The following MCC variants were observed in gnomAD, a reference collection of about 807,000 sequenced individuals.
MCC encodes the protein MCC regulator of Wnt signaling pathway.
A neutral mutation model predicts 116.2 loss-of-function variants in MCC; 90 were observed. The ratio of observed to expected loss-of-function variants is 0.77; its 90% CI spans 0.65 to 0.92. The LOEUF (loss-of-function observed/expected upper bound fraction) is 0.92. MCC is among the 40% of genes least tolerant of loss of function. The pLI, the probability that MCC is intolerant of heterozygous loss-of-function variation, is 0.00. For synonymous variants in MCC, 578 were observed against 510.5 expected, an observed-to-expected ratio of 1.13 and a Z score of -1.78; for missense variants, 1,516 against 1,312.2, an observed-to-expected ratio of 1.16 and a Z score of -2.40.
chr5:113,349,168 G>A (rs1215069404), intron 2 of MCC, among the ~76,000 whole-genome samples: 1 of 151,964 alleles, frequency 6.6e-6, no homozygotes, highest in African/African-American at 2.4e-5. Context: ...CAAAAAAATA[G>A]AGGAGGATAG....
chr5:113,065,835 T>G (rs564611721), intron 13 of MCC, among the ~76,000 whole-genome samples: 21 of 152,324 alleles, frequency 1.4e-4, no homozygotes, highest in Admixed American at 2.6e-4. Flanking sequence ...GCCACTCCTG[T>G]CAGCGGAATG....
At chr5:113,478,969 T>G (rs1284204586) in intron 1 of MCC, among the ~76,000 whole-genome samples, 1 of 152,228 alleles carries the variant, frequency 6.6e-6, no homozygotes, top group Non-Finnish European at 1.5e-5. Flanking sequence ...TAGCTGTATC[T>G]TATCTGAAAC....
intron 14 of MCC, among the ~76,000 whole-genome samples, chr5:113,061,067 G>C (rs747181967): frequency 1.3e-5 from 2 of 152,206 alleles, no homozygotes; most frequent in African/African-American, 2.4e-5. Context: ...ATCCAGACTA[G>C]TTCAAAGAGT....
At chr5:113,376,087 T>TA (rs762064604) in intron 2 of MCC, among the ~76,000 whole-genome samples, 6 of 152,126 alleles carry the variant, frequency 3.9e-5, no homozygotes, top group South Asian at 2.1e-4. Flanking sequence ...AGATTTAAAA[T>TA]AAAAAAATTA....
intron 1 of MCC, among the ~76,000 whole-genome samples, chr5:113,460,315 G>A (rs148798556): frequency 8.4e-4 from 128 of 152,248 alleles, no homozygotes; most frequent in African/African-American, 2.8e-3. Flanking sequence ...GCACCTTTTC[G>A]GTGGGGATTT....
At chr5:113,121,944 C>A (rs987701725) in intron 6 of MCC, among the ~76,000 whole-genome samples, 1 of 152,198 alleles carries the variant, frequency 6.6e-6, no homozygotes, top group African/African-American at 2.4e-5. Context: ...GTAGGCAAGA[C>A]CAGTAGTTTT....
chr5:113,165,656 G>T (rs546445057), intron 3 of MCC, among the ~76,000 whole-genome samples: 2 of 152,134 alleles, frequency 1.3e-5, no homozygotes, highest in Non-Finnish European at 2.9e-5. Context: ...GCTGATAAAA[G>T]AAACGTTTCC....
At chr5:113,487,803 TCTC>T (rs1472697269) in intron 1 of MCC, among the ~76,000 whole-genome samples, 1 of 152,194 alleles carries the variant, frequency 6.6e-6, no homozygotes, top group Non-Finnish European at 1.5e-5. Context: ...GCTTAGCTCA[TCTC>T]CTCCCGGTGC....
rs557449453 is a variant in MCC, at chr5:113,060,281, A to T, written c.2213+3703T>A. Among the ~76,000 whole-genome samples the T allele has an allele frequency of 3.3e-5, 5 of 152,212 alleles. No homozygotes were observed. In the East Asian group the frequency reaches 9.7e-4, roughly 29 times the overall value. On this transcript the variant is annotated intron_variant, in intron 14 of 18. Transcript: ENST00000408903. ...GCAATTCTCCTGCCTCAGCCTCCTGAGTAGCTGGGACTACAGGCATGTACC... is the reference window on the plus strand; with the variant it reads ...GCAATTCTCCTGCCTCAGCCTCCTGTGTAGCTGGGACTACAGGCATGTACC...
intron 3 of MCC, among the ~76,000 whole-genome samples, chr5:113,163,265 C>T (rs1760594228): frequency 6.6e-6 from 1 of 152,134 alleles, no homozygotes; most frequent in Admixed American, 6.5e-5. Flanking sequence ...AGCAAGGACA[C>T]ACACAAAGGT....
intron 2 of MCC, among the ~76,000 whole-genome samples, chr5:113,351,847 A>G (rs1261319451): frequency 1.3e-5 from 2 of 152,140 alleles, no homozygotes; most frequent in Non-Finnish European, 2.9e-5. Context: ...ATATTTTTTA[A>G]AAATACAACT....
chr5:113,468,298 G>A (rs1316534404), intron 1 of MCC, among the ~76,000 whole-genome samples: 3 of 152,118 alleles, frequency 2.0e-5, no homozygotes, highest in Non-Finnish European at 1.5e-5. Context: ...TGCCCATTCA[G>A]TATAATATTG....
intron 3 of MCC, 108 bp from the exon 4 acceptor site, chr5:113,151,530 C>A: frequency 3.1e-6 from 2 of 649,146 alleles, no homozygotes; most frequent in South Asian, 2.0e-5. Context: ...ATCCAAAAAG[C>A]AACACTTTTG....
intron 3 of MCC, among the ~76,000 whole-genome samples, chr5:113,232,947 T>C (rs879159958): frequency 6.6e-6 from 1 of 152,110 alleles, no homozygotes; most frequent in African/African-American, 2.4e-5. Context: ...AGAACCAGGA[T>C]TGGAGAAGTC....
At chr5:113,445,948 C>A (rs66583752) in intron 1 of MCC, among the ~76,000 whole-genome samples, 28,340 of 152,028 alleles carry the variant, frequency 0.19, 3,136 homozygotes, top group Admixed American at 0.31. Context: ...TAAAGCTGCA[C>A]ATCAACAGTC....
At chr5:113,387,295 T>C (rs1769283988) in intron 1 of MCC, among the ~76,000 whole-genome samples, 2 of 152,220 alleles carry the variant, frequency 1.3e-5, no homozygotes, top group South Asian at 4.1e-4. Flanking sequence ...TTGTGATTTT[T>C]CTTCCATCAG....
intron 3 of MCC, among the ~76,000 whole-genome samples, chr5:113,178,821 A>G (rs541653850): frequency 3.3e-5 from 5 of 152,180 alleles, no homozygotes; most frequent in African/African-American, 1.2e-4. Flanking sequence ...CTTCTACCAG[A>G]AGGCAAAGGG....
chr5:113,122,594 A>G, intron 6 of MCC, 90 bp downstream of exon 6: 1 of 1,490,428 alleles, frequency 6.7e-7, no homozygotes, highest in Non-Finnish European at 9.1e-7. Context: ...GAAAAATTAA[A>G]TTTTAATTCA....
At chr5:113,118,000 T>G (rs1455522650) in intron 6 of MCC, among the ~76,000 whole-genome samples, 1 of 152,136 alleles carries the variant, frequency 6.6e-6, no homozygotes, top group Admixed American at 6.6e-5. Flanking sequence ...CCGAGGAGTA[T>G]CAAAGGAAAG....
Sources: gnomAD v4.1 joint callset for allele counts (sites outside exome capture counted in the v4.1 genomes callset) on GRCh38, gnomAD v4.1.1 for gene constraint, MANE v1.5 for transcripts, NCBI Gene and HGNC (gene_info 2026-07-23, HGNC 2026-07-21) for gene names.